The following DLGAP1 variants were observed in gnomAD, a reference collection of about 807,000 sequenced individuals.
The protein encoded by DLGAP1 is DLG associated protein 1.
DLGAP1 carries 11 observed loss-of-function variants against 90.8 expected under a neutral mutation model. That is an observed-to-expected ratio of 0.12 (90% CI 0.08 to 0.20). The LOEUF (loss-of-function observed/expected upper bound fraction) is 0.20. DLGAP1 is among the 10% of genes least tolerant of loss of function. The pLI is 1.00. For missense variants in DLGAP1, 1,050 were observed against 1,333.8 expected, an observed-to-expected ratio of 0.79 and a Z score of 3.31; for synonymous variants, 558 against 540.7, an observed-to-expected ratio of 1.03 and a Z score of -0.44.
rs963763283 is a variant in DLGAP1, at chr18:4,057,954, G to A, written c.-158-52753C>T. On this transcript the variant is annotated intron_variant, in intron 2 of 12. Transcript: ENST00000315677. ...AGCCATAGAGGCTCTGCTCCTCCTG[G>A]CTGATCTCTCGGTTCACTCTGATGG... 6.6e-5 allele frequency among the ~76,000 whole-genome samples: 10 copies of A among 152,198 alleles called. No homozygotes were observed. The East Asian group carries it at 1.7e-3, about 27-fold the overall frequency.
At chr18:4,216,427 CTGTT>C (rs1382954007) in intron 1 of DLGAP1, among the ~76,000 whole-genome samples, 1 of 152,114 alleles carries the variant, frequency 6.6e-6, no homozygotes, top group African/African-American at 2.4e-5. Context: ...AATTTTCTAC[CTGTT>C]TATTTTCATT....
At chr18:3,600,663 T>C (rs954270653) in intron 7 of DLGAP1, among the ~76,000 whole-genome samples, 1 of 142,816 alleles carries the variant, frequency 7.0e-6, no homozygotes, top group African/African-American at 2.6e-5. Flanking sequence ...TAGATATCTA[T>C]AGAGATCTAT....
At chr18:4,259,797 G>A (rs1024905025) in intron 1 of DLGAP1, among the ~76,000 whole-genome samples, 3 of 152,170 alleles carry the variant, frequency 2.0e-5, no homozygotes, top group African/African-American at 2.4e-5. Flanking sequence ...GGTCTATTGT[G>A]CCCTTAGAGA....
At chr18:3,883,719 G>T (rs1282614026) in intron 3 of DLGAP1, among the ~76,000 whole-genome samples, 1 of 152,204 alleles carries the variant, frequency 6.6e-6, no homozygotes, top group Non-Finnish European at 1.5e-5. Context: ...GCCAGGCTGG[G>T]CAAGGCCAAG....
chr18:4,390,387 A>G (rs890732596), intron 1 of DLGAP1, among the ~76,000 whole-genome samples: 1 of 151,802 alleles, frequency 6.6e-6, no homozygotes, highest in African/African-American at 2.4e-5. Flanking sequence ...CAAAGTCCAC[A>G]GTTTCTACAT....
intron 1 of DLGAP1, among the ~76,000 whole-genome samples, chr18:4,259,594 A>G (rs2078964641): frequency 6.6e-6 from 1 of 152,172 alleles, no homozygotes; most frequent in South Asian, 2.1e-4. Flanking sequence ...GGGCAATGTG[A>G]TCTCTAGAGA....
intron 7 of DLGAP1, among the ~76,000 whole-genome samples, chr18:3,623,201 A>C (rs2058163483): frequency 6.6e-6 from 1 of 152,190 alleles, no homozygotes; most frequent in South Asian, 2.1e-4. Flanking sequence ...GCATGCTAAA[A>C]GCATTGATTT....
chr18:4,391,366 C>T (rs2082336151), intron 1 of DLGAP1, among the ~76,000 whole-genome samples: 1 of 152,074 alleles, frequency 6.6e-6, no homozygotes, highest in East Asian at 1.9e-4. Flanking sequence ...CCAGTTTGAC[C>T]CACGGTGGGG....
intron 2 of DLGAP1, among the ~76,000 whole-genome samples, chr18:4,088,300 T>G (rs1272537639): frequency 6.6e-6 from 1 of 152,164 alleles, no homozygotes; most frequent in Non-Finnish European, 1.5e-5. Context: ...TTGTCAAAAA[T>G]TTTACCTTTA....
chr18:3,657,944 T>A (rs1220012177), intron 7 of DLGAP1, among the ~76,000 whole-genome samples: 1 of 152,222 alleles, frequency 6.6e-6, no homozygotes, highest in Admixed American at 6.5e-5. Context: ...AACTCTTGTA[T>A]CTGTAGCCAG....
Position 3,573,790 on chromosome 18 carries a change from C to T in DLGAP1, c.1966-6209G>A, listed in dbSNP as rs192903268. Among the ~76,000 whole-genome samples the T allele has an allele frequency of 8.7e-4, 132 of 152,244 alleles. 1 individual carries two copies. The highest frequency in any genetic ancestry group is 3.1e-3 in the African/African-American group (130 of 41,550). On this transcript the variant is annotated intron_variant, in intron 8 of 12. Coordinates refer to ENST00000315677, the MANE Select transcript of DLGAP1 (RefSeq NM_004746.4). ...AATCATGGCTTACTGCCACTGTGAC[C>T]TCCTGGTCTCAAGTGATCCTCCCAC...
At position 3,751,652 on chromosome 18, in the gene DLGAP1, G is replaced by A. The variant is rs189679623; in HGVS notation, c.1173-9140C>T. ...TGTGTCACTGCAACCTCTGCCTCCC[G>A]GGTTCGAGTGATTCTTCTGCCTCAG... On this transcript the variant is annotated intron_variant, in intron 5 of 12. Transcript: ENST00000315677. 5.7e-4 allele frequency among the ~76,000 whole-genome samples: 84 copies of A among 148,532 alleles called. 1 individual carries two copies. Among genetic ancestry groups the A allele is most frequent in the Admixed American group, 1.4e-3 (21 of 14,752 alleles).
chr18:3,502,699 C>A lies in DLGAP1; in HGVS notation c.2572-54G>T. On this transcript the variant is annotated intron_variant, in intron 11 of 12. Coordinates refer to ENST00000315677, the MANE Select transcript of DLGAP1 (RefSeq NM_004746.4). ...CTTTAGAAGCAATTCTTGACAAGCACAGGGCCAAAAAGGCATTTTCAAATA... is the reference window on the plus strand; with the variant it reads ...CTTTAGAAGCAATTCTTGACAAGCAAAGGGCCAAAAAGGCATTTTCAAATA... 3.8e-6 allele frequency: 6 copies of A among 1,562,772 alleles called. No individual in the cohort carries two copies. In the Admixed American group the frequency reaches 1.0e-4, roughly 26 times the overall value.
At chr18:4,163,700 G>A (rs927474747) in intron 1 of DLGAP1, among the ~76,000 whole-genome samples, 1 of 152,164 alleles carries the variant, frequency 6.6e-6, no homozygotes, top group Non-Finnish European at 1.5e-5. Context: ...GAAATGCTGG[G>A]AGCCTCTTTT....
At chr18:3,656,920 G>A (rs1359879559) in intron 7 of DLGAP1, among the ~76,000 whole-genome samples, 1 of 151,840 alleles carries the variant, frequency 6.6e-6, no homozygotes, top group African/African-American at 2.4e-5. Context: ...CTAATTTTTT[G>A]TATTTTTAGT....
chr18:3,979,219 C>T (rs1024154003), intron 3 of DLGAP1, among the ~76,000 whole-genome samples: 1 of 143,850 alleles, frequency 7.0e-6, no homozygotes, highest in African/African-American at 2.6e-5. Flanking sequence ...TCCCATAAGA[C>T]TATAGAGCCC....
At chr18:3,568,293 T>C (rs576511903) in intron 8 of DLGAP1, among the ~76,000 whole-genome samples, 2 of 152,122 alleles carry the variant, frequency 1.3e-5, no homozygotes, top group Non-Finnish European at 2.9e-5. Context: ...ATTTAGATAT[T>C]AACCTTATTA....
At chr18:3,628,692 G>C (rs182883147) in intron 7 of DLGAP1, among the ~76,000 whole-genome samples, 2 of 152,122 alleles carry the variant, frequency 1.3e-5, no homozygotes, top group East Asian at 3.9e-4. Flanking sequence ...AAACAATATA[G>C]CTTGATTATG....
At chr18:4,351,982 C>A (rs2081412141) in intron 1 of DLGAP1, among the ~76,000 whole-genome samples, 2 of 152,096 alleles carry the variant, frequency 1.3e-5, no homozygotes, top group African/African-American at 4.8e-5. Context: ...ATTTACAAAT[C>A]TGGAATAAAA....
Sources: gnomAD v4.1 joint callset for allele counts (sites outside exome capture counted in the v4.1 genomes callset) on GRCh38, gnomAD v4.1.1 for gene constraint, MANE v1.5 for transcripts, NCBI Gene and HGNC (gene_info 2026-07-23, HGNC 2026-07-21) for gene names.